MAP2: variants seen among roughly 807,000 people sequenced by gnomAD.
The protein encoded by MAP2 is microtubule associated protein 2.
A neutral mutation model predicts 137.6 loss-of-function variants in MAP2; 14 were observed. The ratio of observed to expected loss-of-function variants is 0.10; its 90% CI spans 0.07 to 0.16. MAP2 has a LOEUF of 0.16. Ranked by LOEUF, MAP2 falls within the 10% of genes least tolerant of loss-of-function variation. The pLI, the probability that MAP2 is intolerant of heterozygous loss-of-function variation, is 1.00. For missense variants in MAP2, 2,088 were observed against 2,191.5 expected (o/e 0.95, Z 0.94); for synonymous variants, 786 against 782.3 (o/e 1.00, Z -0.08).
chr2:209,449,371 G>C (rs1412450740), intron 1 of MAP2, among the ~76,000 whole-genome samples: 3 of 152,158 alleles, frequency 2.0e-5, no homozygotes, highest in Non-Finnish European at 4.4e-5. Flanking sequence ...ATACTTGAGA[G>C]GGACTGCTTA....
intron 4 of MAP2, among the ~76,000 whole-genome samples, chr2:209,642,975 T>G (rs962475): frequency 6.6e-6 from 1 of 151,998 alleles, no homozygotes; most frequent in African/African-American, 2.4e-5. Context: ...TGAGCCTACA[T>G]GGAAAAGAGA....
At chr2:209,705,379 T>C (rs1189908192) in intron 11 of MAP2, 2 of 359,134 alleles carry the variant, frequency 5.6e-6, no homozygotes, top group Non-Finnish European at 4.9e-6. Context: ...TCCAAAATAA[T>C]GTATTTTTAC....
At chr2:209,544,870 A>G (rs999240469) in intron 2 of MAP2, among the ~76,000 whole-genome samples, 7 of 152,214 alleles carry the variant, frequency 4.6e-5, no homozygotes, top group African/African-American at 1.7e-4. Flanking sequence ...TACAGCAAGT[A>G]CTTGATTACT....
chr2:209,553,762 T>C (rs78097708), intron 2 of MAP2, among the ~76,000 whole-genome samples: 2,997 of 152,334 alleles, frequency 0.02, 94 homozygotes, highest in African/African-American at 0.068. Context: ...GAGAATGTTA[T>C]CATTGCCTAA....
At chr2:209,690,966 A>G in intron 7 of MAP2, 2 of 996,128 alleles carry the variant, frequency 2.0e-6, no homozygotes, top group Non-Finnish European at 2.6e-6. Flanking sequence ...TATGATAACA[A>G]GTCCACTGTT....
intron 4 of MAP2, among the ~76,000 whole-genome samples, chr2:209,652,140 T>C (rs1290880100): frequency 6.6e-6 from 1 of 152,196 alleles, no homozygotes; most frequent in Non-Finnish European, 1.5e-5. Context: ...TCACCTCTTT[T>C]CAATTATATA....
At chr2:209,502,040 G>C (rs547451405) in intron 1 of MAP2, among the ~76,000 whole-genome samples, 2 of 152,064 alleles carry the variant, frequency 1.3e-5, no homozygotes, top group Non-Finnish European at 2.9e-5. Flanking sequence ...ACAGTGAATT[G>C]ATTACTAGAG....
Position 209,678,589 on chromosome 2 carries a change from A to G in MAP2, c.280A>G (p.Ile94Val). The part of the protein sequence containing the change: ...RETAEEVSAR[I>V]VQVVTAEAVA... ...TATTACAGAGGAGGTGTCTGCAAGG[A>G]TAGTTCAAGTAGTCACTGCTGAGGC... Residue 94 changes from isoleucine to valine, a missense_variant, in exon 6 of 16, where the codon ATA becomes GTA. Coordinates refer to ENST00000682079, the MANE Select transcript of MAP2 (RefSeq NM_001375505.1). The G allele has an allele frequency of 1.9e-6, 3 of 1,588,030 alleles. No homozygotes were observed. The highest frequency in any genetic ancestry group is 2.6e-6 in the Non-Finnish European group (3 of 1,166,764).
chr2:209,503,191 G>A (rs778486382), intron 1 of MAP2, among the ~76,000 whole-genome samples: 1 of 151,634 alleles, frequency 6.6e-6, no homozygotes. Context: ...TGTAAAGTTC[G>A]GGTTTCTCCA....
At position 209,731,372 on chromosome 2, in the gene MAP2, G is replaced by T. The variant is rs759487787; in HGVS notation, c.*975G>T. The T allele has an allele frequency of 5.3e-5, 8 of 152,368 alleles. No homozygotes were observed. The highest frequency in any genetic ancestry group is 1.2e-4 in the Non-Finnish European group (8 of 68,006). 9.4% of individuals were successfully genotyped at this position (152,368 alleles called of 1,614,324 possible). A position where few individuals can be genotyped will look rare whatever the true frequency, so the allele number is the denominator to read the frequency against. ...AGACAAAAAATTTTAGCATGAAGTT[G>T]CTTTCTGTAACAACTCAAAGCCGTA... On this transcript the variant is annotated 3_prime_UTR_variant, in exon 16 of 16. Coordinates refer to ENST00000682079, the MANE Select transcript of MAP2 (RefSeq NM_001375505.1).
chr2:209,640,637 C>T (rs1008612696), intron 4 of MAP2, among the ~76,000 whole-genome samples: 1 of 151,688 alleles, frequency 6.6e-6, no homozygotes, highest in African/African-American at 2.4e-5. Flanking sequence ...ACGTTAGAGA[C>T]AGAGCTTTAG....
At chr2:209,453,881 G>A (rs532859779) in intron 1 of MAP2, among the ~76,000 whole-genome samples, 1 of 152,204 alleles carries the variant, frequency 6.6e-6, no homozygotes, top group East Asian at 1.9e-4. Context: ...GCCGGGTGTC[G>A]TGGCTCACGC....
chr2:209,603,808 A>G (rs180711318), intron 3 of MAP2, among the ~76,000 whole-genome samples: 60 of 152,214 alleles, frequency 3.9e-4, no homozygotes, highest in Middle Eastern at 3.4e-3. Context: ...AGAAACCACA[A>G]TTGCTCTTAG....
At chr2:209,463,724 CTG>C (rs1360024321) in intron 1 of MAP2, among the ~76,000 whole-genome samples, 2 of 152,288 alleles carry the variant, frequency 1.3e-5, no homozygotes, top group African/African-American at 4.8e-5. Flanking sequence ...AACATTTTAA[CTG>C]TTGCTAAAAG....
chr2:209,692,420 C>A (rs1225923617), intron 7 of MAP2, among the ~76,000 whole-genome samples: 1 of 151,658 alleles, frequency 6.6e-6, no homozygotes, highest in Non-Finnish European at 1.5e-5. Context: ...CATTAATTTA[C>A]AACCAGAGTT....
At chr2:209,632,756 T>G (rs2093208662) in intron 4 of MAP2, among the ~76,000 whole-genome samples, 1 of 152,152 alleles carries the variant, frequency 6.6e-6, no homozygotes, top group Non-Finnish European at 1.5e-5. Flanking sequence ...TTAATCCTCT[T>G]GCTTTAATTC....
At chr2:209,585,974 A>G (rs1207071194) in intron 3 of MAP2, among the ~76,000 whole-genome samples, 1 of 152,100 alleles carries the variant, frequency 6.6e-6, no homozygotes, top group African/African-American at 2.4e-5. Flanking sequence ...CCACTTTACT[A>G]ATGAAGGTAC....
intron 7 of MAP2, chr2:209,690,709 T>G: frequency 7.8e-7 from 1 of 1,289,594 alleles, no homozygotes; most frequent in Non-Finnish European, 1.0e-6. Flanking sequence ...AGGGCCTCAG[T>G]AAGGGCCAAA....
intron 2 of MAP2, among the ~76,000 whole-genome samples, chr2:209,559,240 CCTCT>C (rs1376660858): frequency 6.6e-6 from 1 of 151,956 alleles, no homozygotes; most frequent in Non-Finnish European, 1.5e-5. Flanking sequence ...TCCCTCCCTC[CCTCT>C]GTTAGAGTAT....
Sources: gnomAD v4.1 joint callset for allele counts (sites outside exome capture counted in the v4.1 genomes callset) on GRCh38, gnomAD v4.1.1 for gene constraint, MANE v1.5 for transcripts, NCBI Gene and HGNC (gene_info 2026-07-23, HGNC 2026-07-21) for gene names.